Variants in SYNJ2 observed in about 807,000 individuals in gnomAD.
SYNJ2 encodes the protein synaptojanin 2, also known as polyphosphatidylinositol phosphatase SYNJ2.
A neutral mutation model predicts 141.3 loss-of-function variants in SYNJ2; 116 were observed. The observed-to-expected ratio is 0.82, with a 90% CI of 0.71 to 0.96. SYNJ2 has a LOEUF of 0.96. Ranked by LOEUF, SYNJ2 falls within the 40% of genes least tolerant of loss-of-function variation. SYNJ2 has a pLI of 0.00. For synonymous variants in SYNJ2, 745 were observed against 777.7 expected (o/e 0.96, Z 0.70); for missense variants, 1,873 against 1,934.8 (o/e 0.97, Z 0.60).
intron 6 of SYNJ2, among the ~76,000 whole-genome samples, chr6:158,055,501 T>TTGTG (rs1317987162): frequency 3.3e-5 from 4 of 122,246 alleles, no homozygotes; most frequent in African/African-American, 6.8e-5. Flanking sequence ...TTTTGGCATT[T>TTGTG]TATGTGTGTG....
chr6:158,091,465 G>A (rs1476403264), intron 25 of SYNJ2, among the ~76,000 whole-genome samples: 1 of 150,536 alleles, frequency 6.6e-6, no homozygotes, highest in African/African-American at 2.4e-5. Context: ...AATGGGGCTG[G>A]GTGCTGGGTG....
chr6:158,059,551 CTTTTCT>C, intron 7 of SYNJ2, 198 bp downstream of exon 7: 1 of 1,305,082 alleles, frequency 7.7e-7, no homozygotes, highest in Non-Finnish European at 9.7e-7. Flanking sequence ...AGTGTAATTT[CTTTTCT>C]TTTTTTTTTT....
intron 25 of SYNJ2, among the ~76,000 whole-genome samples, chr6:158,091,719 CAGCCTGGGTGACAG>C (rs1462235425): frequency 1.3e-5 from 2 of 149,338 alleles, no homozygotes; most frequent in Non-Finnish European, 3.0e-5. Flanking sequence ...CACTGCACTC[CAGCCTGGGTGACAG>C]AGCTAGACTC....
chr6:158,093,956 G>A (rs1783636992), intron 26 of SYNJ2: 4 of 765,150 alleles, frequency 5.2e-6, no homozygotes, highest in African/African-American at 1.7e-5. Flanking sequence ...AGTTTGTAAG[G>A]ACAGTAGCAG....
Position 158,033,635 on chromosome 6 carries a change from C to A in SYNJ2, c.666C>A (p.Gly222=), listed in dbSNP as rs192173247. Reference sequence around the variant, plus strand: ...CAGGCACTCGCTTCCACACCCGTGGCGTGAACGACGACGGCCATGTGTCCA... The same window carrying A: ...CAGGCACTCGCTTCCACACCCGTGGAGTGAACGACGACGGCCATGTGTCCA... ...ERTGTRFHTR[G]VNDDGHVSNF... The change falls in exon 4 of 27, where the codon GGC becomes GGA. Residue 222 remains glycine (G), a synonymous_variant. Coordinates refer to ENST00000355585, the MANE Select transcript of SYNJ2 (RefSeq NM_003898.4). 1 of 1,612,784 alleles carries A rather than the reference C, an allele frequency of 6.2e-7. No individual in the cohort carries two copies. The highest frequency in any genetic ancestry group is 1.1e-5 in the South Asian group (1 of 91,082).
chr6:158,030,673 C>T (rs1416762660), intron 3 of SYNJ2: 3 of 152,270 alleles, frequency 2.0e-5, no homozygotes, highest in East Asian at 1.9e-4. Context: ...AGGCGGATCA[C>T]CTGAGGTCAG....
At chr6:158,065,506 G>A (rs2128367573) in intron 11 of SYNJ2, among the ~76,000 whole-genome samples, 1 of 152,252 alleles carries the variant, frequency 6.6e-6, no homozygotes, top group East Asian at 1.9e-4. Flanking sequence ...CAATATAGGA[G>A]GTTCCTTTGG....
rs1305186546 is a variant in SYNJ2, at chr6:158,070,171, G to A, written c.1940+498G>A. Reference sequence around the variant, plus strand: ...TTAGGGGCGGCATTCCTCTTGGGGTGTGGGTGTGGGTGTTTGGATGCTGGA... The same window carrying A: ...TTAGGGGCGGCATTCCTCTTGGGGTATGGGTGTGGGTGTTTGGATGCTGGA... On this transcript the variant is annotated intron_variant, in intron 14 of 26. Transcript: ENST00000355585. The surrounding 1 kb of genome is among the most constrained non-coding windows in gnomAD (Gnocchi z 4.0). 1.4e-5 allele frequency: 14 copies of A among 985,608 alleles called. No individual in the cohort carries two copies. The highest frequency in any genetic ancestry group is 1.7e-5 in the Non-Finnish European group (14 of 830,090). 61.1% of individuals were successfully genotyped at this position (985,608 alleles called of 1,614,324 possible).
intron 5 of SYNJ2, among the ~76,000 whole-genome samples, chr6:158,050,274 C>T (rs777032857): frequency 1.3e-5 from 2 of 152,250 alleles, no homozygotes; most frequent in Admixed American, 1.3e-4. Context: ...GGCCCCACCC[C>T]TGGAGAGTCT....
chr6:157,984,131 C>T (rs958324044), intron 1 of SYNJ2, among the ~76,000 whole-genome samples: 5 of 152,152 alleles, frequency 3.3e-5, no homozygotes, highest in African/African-American at 4.8e-5. Context: ...CTACTTACTG[C>T]GTCTGGCCTG....
At chr6:158,034,111 C>T (rs556713362) in intron 4 of SYNJ2, among the ~76,000 whole-genome samples, 1 of 152,298 alleles carries the variant, frequency 6.6e-6, no homozygotes, top group East Asian at 1.9e-4. Context: ...TGAAGCTTCT[C>T]CTGGAAGCCA....
chr6:158,080,332 G>T (rs966484846), intron 18 of SYNJ2, among the ~76,000 whole-genome samples: 2 of 152,016 alleles, frequency 1.3e-5, no homozygotes, highest in East Asian at 3.9e-4. Context: ...AAAATTAGCT[G>T]GTCATGGTGG....
chr6:157,984,055 C>T (rs774323682), intron 1 of SYNJ2, among the ~76,000 whole-genome samples: 19 of 152,096 alleles, frequency 1.2e-4, no homozygotes, highest in Non-Finnish European at 1.6e-4. Flanking sequence ...ATGCTGTTCT[C>T]GAACTCCTGG....
At chr6:158,061,758 G>A (rs532474671) in intron 7 of SYNJ2, among the ~76,000 whole-genome samples, 1 of 152,194 alleles carries the variant, frequency 6.6e-6, no homozygotes, top group Non-Finnish European at 1.5e-5. Flanking sequence ...GCTCAAGGGG[G>A]ACCTTCTGCC....
At chr6:158,051,713 G>A (rs1425827195) in intron 5 of SYNJ2, among the ~76,000 whole-genome samples, 5 of 151,602 alleles carry the variant, frequency 3.3e-5, no homozygotes, top group African/African-American at 4.8e-5. Flanking sequence ...TTGAGAGGCC[G>A]AGGTGGGTGG....
intron 2 of SYNJ2, 21 bp downstream of exon 2, chr6:158,017,311 G>C: frequency 6.2e-7 from 1 of 1,603,454 alleles, no homozygotes; most frequent in Non-Finnish European, 8.5e-7. Context: ...GCTCGCTGGA[G>C]GAGCAGGCGC....
At chr6:158,018,559 T>C (rs932468068) in intron 2 of SYNJ2, among the ~76,000 whole-genome samples, 5 of 152,232 alleles carry the variant, frequency 3.3e-5, no homozygotes, top group African/African-American at 9.6e-5. Context: ...TTCTGGGTGT[T>C]TTCTGTCATG....
At chr6:158,080,996 G>C in intron 18 of SYNJ2, 113 bp from the exon 19 acceptor site, 1 of 952,298 alleles carries the variant, frequency 1.1e-6, no homozygotes, top group South Asian at 1.4e-5. Context: ...CAGCAGCTGG[G>C]GACTGGGGGC....
chr6:157,981,379 G>A (rs1776995268), upstream of SYNJ2, among the ~76,000 whole-genome samples: 1 of 152,216 alleles, frequency 6.6e-6, no homozygotes. The surrounding 1 kb of genome is among the most constrained non-coding windows in gnomAD (Gnocchi z 6.4). Flanking sequence ...AATTAACTCA[G>A]GCCTCCGCGC....
Sources: allele counts gnomAD v4.1 joint callset (sites outside exome capture counted in the v4.1 genomes callset), GRCh38; gene constraint gnomAD v4.1.1; non-coding constraint Gnocchi (gnomAD v3.1); transcripts MANE v1.5; gene names NCBI Gene and HGNC (gene_info 2026-07-23, HGNC 2026-07-21).